MAMLD1: variants seen among roughly 807,000 people sequenced by gnomAD.
MAMLD1 encodes the protein mastermind-like domain-containing protein 1.
MAMLD1 carries 14 observed loss-of-function variants against 45.0 expected under a neutral mutation model. The ratio of observed to expected loss-of-function variants is 0.31; its 90% confidence interval spans 0.21 to 0.49. The LOEUF (loss-of-function observed/expected upper bound fraction) is 0.49. Among genes scored for constraint, MAMLD1 ranks in the 20% least tolerant of loss-of-function variants. The pLI, the probability that MAMLD1 is intolerant of heterozygous loss-of-function variation, is 0.99. For synonymous variants in MAMLD1, 254 were observed against 247.8 expected (o/e 1.02, Z -0.24); for missense variants, 543 against 603.6 (o/e 0.90, Z 1.05).
intron 1 of MAMLD1, among the ~76,000 whole-genome samples, chrX:150,402,537 A>G (rs201938080): frequency 8.9e-6 from 1 of 112,061 alleles, no homozygotes; most frequent in South Asian, 3.7e-4. Flanking sequence ...ATCTAGAACT[A>G]GAAATACCGT....
chrX:150,425,496 A>G (rs782398073), intron 1 of MAMLD1, among the ~76,000 whole-genome samples: 4 of 112,211 alleles, frequency 3.6e-5, no homozygotes, highest in Non-Finnish European at 5.6e-5. Context: ...CAGTCCTTTA[A>G]AATTCACAGA....
chrX:150,492,292 G>T (rs951840365), intron 5 of MAMLD1, among the ~76,000 whole-genome samples: 8 of 112,920 alleles, frequency 7.1e-5, no homozygotes, highest in Admixed American at 4.7e-4. Flanking sequence ...AAGTGGAGGT[G>T]CAGTGGCTTT....
intron 1 of MAMLD1, among the ~76,000 whole-genome samples, chrX:150,422,119 G>A (rs1557403572): frequency 8.9e-6 from 1 of 112,506 alleles, no homozygotes; most frequent in East Asian, 2.8e-4. Context: ...GCTTGCCAGG[G>A]AGAGGTTGAA....
intron 1 of MAMLD1, among the ~76,000 whole-genome samples, chrX:150,442,346 G>T (rs782709122): frequency 1.2e-4 from 13 of 110,761 alleles, no homozygotes; most frequent in Non-Finnish European, 2.1e-4. Context: ...TTGTTCTCTG[G>T]TTTTTTGTTT....
Position 150,469,478 on chromosome X carries a change from C to T in MAMLD1, c.172-267C>T, listed in dbSNP as rs782312815. On this transcript the variant is annotated intron_variant, in intron 3 of 7. Transcript: ENST00000370401. ...TGAAACATAATAATGAATAAATAAG[C>T]ACTATGGTTCCAAAGACAGGCTGTA... Among the ~76,000 whole-genome samples the T allele has an allele frequency of 3.6e-5, 4 of 112,057 alleles. No homozygotes were observed. The South Asian group carries it at 1.5e-3, about 42-fold the overall frequency.
In MAMLD1 at chrX:150,509,820, C is replaced by T; in HGVS notation, c.2285-142C>T. The T allele has an allele frequency of 5.8e-6, 3 of 518,004 alleles. No individual in the cohort carries two copies. In the South Asian group the frequency reaches 8.1e-5, roughly 14 times the overall value. 42.7% of individuals were successfully genotyped at this position (518,004 alleles called of 1,213,427 possible). On this transcript the variant is annotated intron_variant, in intron 6 of 7. Transcript: ENST00000370401. The stretch of plus-strand genomic sequence containing the variant: ...TGGAATTTTGCTCGAGAGGGTGGGG[C>T]ATGCATGCGAGTGTATGCTGGTGTG...
At position 150,512,370 on chromosome X, in the gene MAMLD1, G is replaced by A; in HGVS notation, c.*411G>A. On this transcript the variant is annotated 3_prime_UTR_variant, in exon 8 of 8. Transcript: ENST00000370401. ...CAGTCCTTGAGTCCCCACCAGCTCA[G>A]ACGGCCTAGTGTGCCAAGAATGCCC... The A allele has an allele frequency of 8.8e-7, 1 of 1,139,583 alleles. No individual in the cohort carries two copies. Among genetic ancestry groups the A allele is most frequent in the East Asian group, 3.3e-5 (1 of 30,535 alleles). 93.9% of individuals were successfully genotyped at this position (1,139,583 alleles called of 1,213,427 possible). A position where few individuals can be genotyped will look rare whatever the true frequency, so the allele number is the denominator to read the frequency against.
rs946421182 is a variant in MAMLD1, at chrX:150,514,116, C to T, written c.*2157C>T. 8 of 237,481 alleles carry T rather than the reference C, an allele frequency of 3.4e-5. No homozygotes were observed. The highest frequency in any genetic ancestry group is 1.3e-4 in the East Asian group (2 of 15,574). The allele number at this position is 237,481 out of a possible 1,213,427, so 19.6% of individuals were successfully genotyped here. ...TTTCACCTCTACATTTGAAATCTGG[C>T]GTCTGTTTCAAGCCAGTGTGTTTTT... On this transcript the variant is annotated 3_prime_UTR_variant, in exon 8 of 8. Coordinates refer to ENST00000370401, the MANE Select transcript of MAMLD1 (RefSeq NM_005491.5).
intron 2 of MAMLD1, among the ~76,000 whole-genome samples, chrX:150,457,386 G>A (rs183591111): frequency 4.5e-5 from 5 of 112,247 alleles, no homozygotes; most frequent in African/African-American, 1.6e-4. Flanking sequence ...TTTCCAAGAA[G>A]ACCAAGGCTG....
At position 150,382,895 on chromosome X, in the gene MAMLD1, T is replaced by A. The variant is rs1276617585; in HGVS notation, c.-64+19365T>A. On this transcript the variant is annotated intron_variant, in intron 1 of 7. Coordinates refer to ENST00000370401, the MANE Select transcript of MAMLD1 (RefSeq NM_005491.5). ...GTCCCATTTTATTTTATTTTTTTTT[T>A]TTTTTATTTTTTATTTTTTTTTTTT... Among the ~76,000 whole-genome samples the A allele has an allele frequency of 2.4e-3, 47 of 19,393 alleles. 8 individuals are homozygous for A. Among genetic ancestry groups the A allele is most frequent in the East Asian group, 0.013 (16 of 1,192 alleles). The allele number at this position is 19,393 out of a possible 115,157, so 16.8% of individuals were successfully genotyped here.
chrX:150,429,496 C>T (rs140755107), intron 1 of MAMLD1, among the ~76,000 whole-genome samples: 5,431 of 110,444 alleles, frequency 0.049, 112 homozygotes, highest in Non-Finnish European at 0.058. Flanking sequence ...TAAAGAGGCC[C>T]CCCTGTACCT....
At chrX:150,503,843 C>T (rs1295390380) in intron 6 of MAMLD1, among the ~76,000 whole-genome samples, 9 of 112,237 alleles carry the variant, frequency 8.0e-5, no homozygotes, top group African/African-American at 6.5e-5. Context: ...TCCAGTACCC[C>T]GTTTCCATAC....
chrX:150,484,883 C>T (rs1476102628), intron 5 of MAMLD1, among the ~76,000 whole-genome samples: 4 of 111,116 alleles, frequency 3.6e-5, no homozygotes, highest in Non-Finnish European at 5.7e-5. Context: ...TACAATATGA[C>T]CCCCCAAGGT....
intron 1 of MAMLD1, among the ~76,000 whole-genome samples, chrX:150,377,819 T>TCA (rs3066915): frequency 0.36 from 33,090 of 91,429 alleles, 5,593 homozygotes; most frequent in South Asian, 0.6. Context: ...TACCACCCCC[T>TCA]CACACACACA....
chrX:150,437,563 T>C (rs189914649), intron 1 of MAMLD1, among the ~76,000 whole-genome samples: 1 of 111,705 alleles, frequency 9.0e-6, no homozygotes, highest in Non-Finnish European at 1.9e-5. Context: ...CTGTGCCTGG[T>C]TTTTATCATG....
chrX:150,441,805 A>T (rs1178464406), intron 1 of MAMLD1, among the ~76,000 whole-genome samples: 1 of 109,578 alleles, frequency 9.1e-6, no homozygotes, highest in South Asian at 3.9e-4. Context: ...CCTTATTGAA[A>T]CCTGTTGTTG....
chrX:150,501,440 G>C (rs1308571293), intron 5 of MAMLD1, among the ~76,000 whole-genome samples: 1 of 112,435 alleles, frequency 8.9e-6, no homozygotes, highest in African/African-American at 3.2e-5. Context: ...ACAAACTGGA[G>C]CTTGATAACA....
chrX:150,505,272 C>T (rs974311939), intron 6 of MAMLD1, among the ~76,000 whole-genome samples: 9 of 111,893 alleles, frequency 8.0e-5, no homozygotes, highest in African/African-American at 2.9e-4. Flanking sequence ...GTGGCAGTTT[C>T]CAGTTCCCCA....
At position 150,398,945 on chromosome X, in the gene MAMLD1, G is replaced by A. The variant is rs2033637746; in HGVS notation, c.-64+35415G>A. ...CTTTCTCTGGTCTCTTTAGCCAGAA[G>A]TCAGTCTACAAACACTTCCCTAAGC... On this transcript the variant is annotated intron_variant, in intron 1 of 7. Transcript: ENST00000370401. Among the ~76,000 whole-genome samples, 11 of 112,104 alleles carry A rather than the reference G, an allele frequency of 9.8e-5. No individual in the cohort carries two copies. The Admixed American group carries it at 1.0e-3, about 11-fold the overall frequency.
Sources: gnomAD v4.1 joint callset for allele counts (sites outside exome capture counted in the v4.1 genomes callset) on GRCh38, gnomAD v4.1.1 for gene constraint, MANE v1.5 for transcripts, NCBI Gene and HGNC (gene_info 2026-07-23, HGNC 2026-07-21) for gene names.